Variants in BMPR1B observed in about 807,000 individuals in gnomAD.
BMPR1B encodes bone morphogenetic protein receptor type 1B.
In BMPR1B, 12 loss-of-function variants were observed where a neutral mutation model predicts 59.1. The ratio of observed to expected loss-of-function variants is 0.20; its 90% CI spans 0.13 to 0.33. The LOEUF is 0.33. Ranked by LOEUF, BMPR1B falls within the 10% of genes least tolerant of loss-of-function variation. The pLI is 1.00. For missense variants in BMPR1B, 550 were observed against 610.9 expected, an observed-to-expected ratio of 0.90 and a Z score of 1.05; for synonymous variants, 237 against 207.3, an observed-to-expected ratio of 1.14 and a Z score of -1.23.
At chr4:94,955,942 A>G (rs1268607750) in intron 2 of BMPR1B, among the ~76,000 whole-genome samples, 2 of 152,094 alleles carry the variant, frequency 1.3e-5, no homozygotes. Context: ...AACACATTTA[A>G]TTCTTGCAAT....
At chr4:94,995,388 AT>A (rs5860384) in intron 2 of BMPR1B, among the ~76,000 whole-genome samples, 145,274 of 152,014 alleles carry the variant, frequency 0.96, 69,450 homozygotes, top group Middle Eastern at 0.99. Flanking sequence ...ACGTTGACAT[AT>A]TTTTTTGTGA....
At chr4:94,868,764 T>A (rs577776168) in intron 1 of BMPR1B, among the ~76,000 whole-genome samples, 4 of 151,796 alleles carry the variant, frequency 2.6e-5, no homozygotes, top group Non-Finnish European at 4.4e-5. Flanking sequence ...ATTTGACTTA[T>A]TATTAATCAA....
chr4:94,999,592 A>C (rs1204149346), intron 3 of BMPR1B, among the ~76,000 whole-genome samples: 1 of 152,200 alleles, frequency 6.6e-6, no homozygotes. Flanking sequence ...AGTCTGTCAA[A>C]AAAACCAGCT....
intron 3 of BMPR1B, among the ~76,000 whole-genome samples, chr4:95,060,764 A>C (rs555850877): frequency 1.9e-4 from 29 of 152,268 alleles, no homozygotes; most frequent in Admixed American, 1.8e-3. Flanking sequence ...ATTATTCCTA[A>C]TGGAAAGAGT....
At chr4:95,126,500 C>T (rs1732913707) in intron 8 of BMPR1B, among the ~76,000 whole-genome samples, 1 of 152,096 alleles carries the variant, frequency 6.6e-6, no homozygotes, top group African/African-American at 2.4e-5. Context: ...TCATAGCAAC[C>T]CTATAAGGTA....
At chr4:94,915,653 A>G (rs902064452) in intron 2 of BMPR1B, among the ~76,000 whole-genome samples, 5 of 152,184 alleles carry the variant, frequency 3.3e-5, no homozygotes, top group Admixed American at 2.6e-4. Flanking sequence ...GAAAATACCA[A>G]TTTTTAGGTA....
intron 1 of BMPR1B, among the ~76,000 whole-genome samples, chr4:94,767,488 AGTT>A (rs964075283): frequency 4.7e-4 from 72 of 152,280 alleles, no homozygotes; most frequent in African/African-American, 1.6e-3. Context: ...TGTGTCAGTA[AGTT>A]GTTTTCATTC....
chr4:95,106,002 T>A (rs1731175422), intron 4 of BMPR1B, among the ~76,000 whole-genome samples: 1 of 152,048 alleles, frequency 6.6e-6, no homozygotes, highest in Non-Finnish European at 1.5e-5. Context: ...TTTTGTCCTG[T>A]TTTCCTGATA....
chr4:94,788,898 C>A (rs1722854943), intron 1 of BMPR1B, among the ~76,000 whole-genome samples: 1 of 152,188 alleles, frequency 6.6e-6, no homozygotes, highest in Non-Finnish European at 1.5e-5. Flanking sequence ...TATTCCCTGG[C>A]ATAACTGTGA....
At position 95,155,475 on chromosome 4, in the gene BMPR1B, C is replaced by CTTTTTT. The variant is rs548956012; in HGVS notation, c.*829_*834dup. The CTTTTTT allele has an allele frequency of 7.0e-4, 45 of 64,312 alleles. 4 individuals carry two copies. The highest frequency in any genetic ancestry group is 1.7e-3 in the African/African-American group (25 of 14,842). 4.0% of individuals were successfully genotyped at this position (64,312 alleles called of 1,614,324 possible). A position where few individuals can be genotyped will look rare whatever the true frequency, so the allele number is the denominator to read the frequency against. On this transcript the variant is annotated 3_prime_UTR_variant, in exon 13 of 13. Transcript: ENST00000515059. The stretch of plus-strand genomic sequence containing the variant: ...CCCTTTTCATTAAACACAAAGAAAG[C>CTTTTTT]TTTTTTTTTTTTTTTTTTTTTTTTT...
chr4:94,845,888 T>C (rs1004828903), intron 1 of BMPR1B, among the ~76,000 whole-genome samples: 4 of 152,212 alleles, frequency 2.6e-5, no homozygotes, highest in Non-Finnish European at 4.4e-5. Context: ...AATCAGCCTA[T>C]ATAGGGAAGG....
At chr4:94,979,855 G>A (rs1438055067) in intron 2 of BMPR1B, among the ~76,000 whole-genome samples, 1 of 152,198 alleles carries the variant, frequency 6.6e-6, no homozygotes, top group Non-Finnish European at 1.5e-5. Flanking sequence ...ATGTTGGACT[G>A]TTTCGGATGT....
chr4:94,834,949 T>G (rs1048207309), intron 1 of BMPR1B, among the ~76,000 whole-genome samples: 1 of 148,390 alleles, frequency 6.7e-6, no homozygotes, highest in African/African-American at 2.5e-5. Context: ...TTTGTTTTTT[T>G]TTTTTTTAAA....
intron 1 of BMPR1B, among the ~76,000 whole-genome samples, chr4:94,843,717 G>T (rs1725194484): frequency 6.6e-6 from 1 of 150,888 alleles, no homozygotes; most frequent in African/African-American, 2.4e-5. Flanking sequence ...TTCAAAAGAG[G>T]TGTGGTAAAT....
chr4:94,876,843 A>G (rs1578750927), intron 2 of BMPR1B, among the ~76,000 whole-genome samples: 1 of 152,140 alleles, frequency 6.6e-6, no homozygotes, highest in African/African-American at 2.4e-5. Flanking sequence ...ACTCCAGTGA[A>G]CTCTATCAGA....
rs559873040 is a variant in BMPR1B, at chr4:94,965,918, A to G, written c.-112-30122A>G. 2.6e-5 allele frequency among the ~76,000 whole-genome samples: 4 copies of G among 152,318 alleles called. No homozygotes were observed. The East Asian group carries it at 7.7e-4, about 29-fold the overall frequency. On this transcript the variant is annotated intron_variant, in intron 2 of 12. Coordinates refer to ENST00000515059, the MANE Select transcript of BMPR1B (RefSeq NM_001203.3). ...TGAAACATTTGTGGAATTGGAAAAG[A>G]CAAGGAAACATTGGAAAGCAAGTTC... is the stretch of plus-strand genomic sequence containing the variant.
chr4:95,154,599 G>T lies in BMPR1B; in HGVS notation c.1435G>T (p.Ala479Ser), dbSNP rs746760963. ...LMTECWAHNP[A>S]SRLTALRVKK... is the part of the protein sequence containing the mutation. ...GACAGAATGCTGGGCTCACAATCCT[G>T]CATCAAGGCTGACAGCCCTGCGGGT... Residue 479 changes from alanine (A) to serine (S), a missense_variant, in exon 13 of 13, where the codon GCA becomes TCA. This residue lies in a region of BMPR1B where 123 missense variants were observed against 164.6 expected (regional missense o/e 0.75). Transcript: ENST00000515059. 1 of 1,614,082 alleles carries T rather than the reference G, an allele frequency of 6.2e-7. No individual in the cohort carries two copies. Among genetic ancestry groups the T allele is most frequent in the South Asian group, 1.1e-5 (1 of 91,088 alleles).
At chr4:94,964,830 T>G (rs953830693) in intron 2 of BMPR1B, among the ~76,000 whole-genome samples, 3 of 152,168 alleles carry the variant, frequency 2.0e-5, no homozygotes, top group African/African-American at 7.2e-5. Flanking sequence ...GAGTTTTGTC[T>G]TAAACGCTTT....
chr4:94,869,161 A>G (rs1401498914), intron 1 of BMPR1B, among the ~76,000 whole-genome samples: 1 of 151,860 alleles, frequency 6.6e-6, no homozygotes, highest in Non-Finnish European at 1.5e-5. Flanking sequence ...TAAAGGAAGA[A>G]TAATAATTTG....
Sources: allele counts gnomAD v4.1 joint callset (sites outside exome capture counted in the v4.1 genomes callset), GRCh38; gene constraint gnomAD v4.1.1; regional missense constraint gnomAD v4.1.1; transcripts MANE v1.5; gene names NCBI Gene and HGNC (gene_info 2026-07-23, HGNC 2026-07-21).